The following PRKCE variants were observed in gnomAD, a reference collection of about 807,000 sequenced individuals.
PRKCE encodes protein kinase C epsilon type.
In PRKCE, 16 loss-of-function variants were observed where a neutral mutation model predicts 85.4. That is an observed-to-expected ratio of 0.19 (90% CI 0.13 to 0.28). The LOEUF (loss-of-function observed/expected upper bound fraction) is 0.28. PRKCE is among the 10% of genes least tolerant of loss of function. PRKCE has a pLI of 1.00. For missense variants in PRKCE, 573 were observed against 975.2 expected, an observed-to-expected ratio of 0.59 and a Z score of 5.49; for synonymous variants, 388 against 371.5, an observed-to-expected ratio of 1.04 and a Z score of -0.51.
intron 11 of PRKCE, among the ~76,000 whole-genome samples, chr2:46,100,485 G>C (rs1447609250): frequency 6.6e-6 from 1 of 152,220 alleles, no homozygotes; most frequent in Non-Finnish European, 1.5e-5. Context: ...GCTGGCCGAG[G>C]AGCAGGGATG....
intron 10 of PRKCE, among the ~76,000 whole-genome samples, chr2:46,085,521 T>C (rs543706164): frequency 1.4e-5 from 2 of 148,046 alleles, no homozygotes; most frequent in South Asian, 4.7e-4. Flanking sequence ...GCTCCTTGCC[T>C]CTTCCAGCTT....
intron 2 of PRKCE, among the ~76,000 whole-genome samples, chr2:45,868,571 G>T (rs1344185649): frequency 6.8e-6 from 1 of 147,806 alleles, no homozygotes; most frequent in Admixed American, 6.9e-5. Context: ...TGATCTGCCC[G>T]CCTCAGCCTC....
intron 1 of PRKCE, among the ~76,000 whole-genome samples, chr2:45,703,048 A>G (rs1678800715): frequency 6.8e-6 from 1 of 146,476 alleles, no homozygotes; most frequent in Non-Finnish European, 1.5e-5. Flanking sequence ...GTCAGTCCTT[A>G]TTCCTAACTA....
intron 2 of PRKCE, among the ~76,000 whole-genome samples, chr2:45,875,399 T>A (rs59115907): frequency 6.6e-6 from 1 of 152,300 alleles, no homozygotes; most frequent in African/African-American, 2.4e-5. Context: ...ACTCTTCAAG[T>A]TGGGACCTGT....
intron 6 of PRKCE, among the ~76,000 whole-genome samples, chr2:45,991,640 G>T (rs565033576): frequency 1.3e-5 from 2 of 152,156 alleles, no homozygotes; most frequent in Non-Finnish European, 2.9e-5. Context: ...AATTTATGCT[G>T]TCACAGACAT....
intron 1 of PRKCE, among the ~76,000 whole-genome samples, chr2:45,776,956 A>G (rs1384676670): frequency 6.6e-6 from 1 of 152,192 alleles, no homozygotes; most frequent in Non-Finnish European, 1.5e-5. Context: ...TGATATAACT[A>G]AAAACCCCTT....
intron 10 of PRKCE, chr2:46,010,806 A>T: frequency 1.3e-6 from 2 of 1,583,796 alleles, no homozygotes; most frequent in Admixed American, 1.7e-5. Flanking sequence ...GGAAAAACCA[A>T]CAAGTGTGGT....
intron 10 of PRKCE, among the ~76,000 whole-genome samples, chr2:46,023,679 T>A (rs115620396): frequency 6.6e-6 from 1 of 151,870 alleles, no homozygotes; most frequent in African/African-American, 2.4e-5. Flanking sequence ...GAGGAGGAGG[T>A]CACAAATTGG....
intron 1 of PRKCE, among the ~76,000 whole-genome samples, chr2:45,675,101 C>G (rs1313124774): frequency 6.6e-6 from 1 of 152,096 alleles, no homozygotes; most frequent in Non-Finnish European, 1.5e-5. Context: ...CCTGGCTGAC[C>G]AGGAAGACAG....
intron 2 of PRKCE, among the ~76,000 whole-genome samples, chr2:45,974,246 T>C (rs188176261): frequency 6.6e-6 from 1 of 152,248 alleles, no homozygotes; most frequent in Non-Finnish European, 1.5e-5. Context: ...ATTGCCATAC[T>C]TCTGCAGCTG....
intron 1 of PRKCE, among the ~76,000 whole-genome samples, chr2:45,787,281 G>A (rs751902225): frequency 3.1e-4 from 47 of 152,332 alleles, no homozygotes; most frequent in Non-Finnish European, 5.3e-4. Context: ...CACCTAGATA[G>A]TTTTGGGGGT....
chr2:46,162,181 C>G (rs963679305), intron 14 of PRKCE, among the ~76,000 whole-genome samples: 5 of 152,112 alleles, frequency 3.3e-5, no homozygotes, highest in African/African-American at 1.2e-4. Context: ...GAAATATATC[C>G]CTGGGTCAGG....
At chr2:45,711,004 T>G (rs1558582782) in intron 1 of PRKCE, among the ~76,000 whole-genome samples, 1 of 152,228 alleles carries the variant, frequency 6.6e-6, no homozygotes, top group Admixed American at 6.5e-5. Context: ...ATTCTAAGTA[T>G]TCAGTCTTTT....
chr2:45,851,183 T>A (rs1692224491), intron 2 of PRKCE, among the ~76,000 whole-genome samples: 1 of 152,174 alleles, frequency 6.6e-6, no homozygotes, highest in Admixed American at 6.5e-5. Context: ...TCCTCTTTCC[T>A]TGGTTGAGGA....
intron 10 of PRKCE, among the ~76,000 whole-genome samples, chr2:46,067,425 GT>G (rs1211523329): frequency 6.6e-6 from 1 of 152,232 alleles, no homozygotes; most frequent in Non-Finnish European, 1.5e-5. Context: ...GAAGGCAGAG[GT>G]GACAGGAGTA....
chr2:45,916,282 C>A (rs1697770130), intron 2 of PRKCE, among the ~76,000 whole-genome samples: 3 of 147,590 alleles, frequency 2.0e-5, no homozygotes. Flanking sequence ...ATCTATCATG[C>A]AGGCTGGAGT....
intron 10 of PRKCE, among the ~76,000 whole-genome samples, chr2:46,061,839 TTTTCTTTTC>T (rs1242896183): frequency 1.4e-5 from 2 of 139,356 alleles, no homozygotes; most frequent in African/African-American, 5.9e-5. Context: ...TTTTCTTTTC[TTTTCTTTTC>T]TTTTCTTTTT....
chr2:45,661,530 G>GTTTTTTT (rs11406618), intron 1 of PRKCE, among the ~76,000 whole-genome samples: 8 of 104,812 alleles, frequency 7.6e-5, no homozygotes, highest in African/African-American at 1.8e-4. Flanking sequence ...TTTGTTTTTT[G>GTTTTTTT]TTTTTTTTTT....
intron 1 of PRKCE, among the ~76,000 whole-genome samples, chr2:45,683,163 G>T (rs1464401237): frequency 6.6e-6 from 1 of 152,198 alleles, no homozygotes; most frequent in African/African-American, 2.4e-5. Flanking sequence ...AGTGGGGAAA[G>T]TAAGTTGATA....
Sources: allele counts gnomAD v4.1 joint callset (sites outside exome capture counted in the v4.1 genomes callset), GRCh38; gene constraint gnomAD v4.1.1; transcripts MANE v1.5; gene names NCBI Gene and HGNC (gene_info 2026-07-23, HGNC 2026-07-21).